MCUR1: variants seen among roughly 807,000 people sequenced by gnomAD.
MCUR1 encodes mitochondrial calcium uniporter regulator 1, also known as MCU regulator 1.
Under a neutral mutation model 42.0 loss-of-function variants are expected in MCUR1, and 37 were observed. The observed-to-expected ratio is 0.88, with a 90% CI of 0.68 to 1.16. The LOEUF (loss-of-function observed/expected upper bound fraction) is 1.16, where lower values mean the gene tolerates loss of function less well. Ranked by LOEUF, MCUR1 falls within the 50% of genes most tolerant of loss-of-function variation. The probability of loss-of-function intolerance (pLI) is 0.00; values close to 1 mark genes in which losing one functional copy is unlikely to be tolerated. For synonymous variants in MCUR1, 229 were observed against 196.2 expected (o/e 1.17, Z -1.40); for missense variants, 469 against 468.4 (o/e 1.00, Z -0.01).
At chr6:13,808,927 G>T (rs933064047) in intron 1 of MCUR1, among the ~76,000 whole-genome samples, 6 of 151,906 alleles carry the variant, frequency 3.9e-5, no homozygotes, top group Admixed American at 3.9e-4. Flanking sequence ...ATCAGAAAGT[G>T]TTTTTTTTGT....
At chr6:13,796,816 T>C (rs1177500819) in intron 6 of MCUR1, among the ~76,000 whole-genome samples, 3 of 152,244 alleles carry the variant, frequency 2.0e-5, no homozygotes, top group African/African-American at 7.2e-5. Flanking sequence ...TATTTCCTGA[T>C]GTCCTTGATG....
intron 6 of MCUR1, among the ~76,000 whole-genome samples, chr6:13,795,819 C>T (rs1318176945): frequency 6.6e-6 from 1 of 152,082 alleles, no homozygotes; most frequent in Non-Finnish European, 1.5e-5. Flanking sequence ...CCAAAAATCT[C>T]AGAAATCACC....
Position 13,810,202 on chromosome 6 carries a change from C to CA in MCUR1, c.416-3159dup, listed in dbSNP as rs1312803526. On this transcript the variant is annotated intron_variant, in intron 1 of 8. Transcript: ENST00000379170. Reference sequence around the variant, plus strand: ...TAGGTGACACAGCGAGACTTCATCTCAAAAAAAAAAATTAATTAAAAATAA... The same window carrying CA: ...TAGGTGACACAGCGAGACTTCATCTCAAAAAAAAAAAATTAATTAAAAATAA... 7.1e-3 allele frequency among the ~76,000 whole-genome samples: 1,002 copies of CA among 141,872 alleles called. 7 individuals are homozygous for CA. The highest frequency in any genetic ancestry group is 0.024 in the African/African-American group (940 of 38,556). 93.1% of individuals were successfully genotyped at this position (141,872 alleles called of 152,430 possible). A position where few individuals can be genotyped will look rare whatever the true frequency, so the allele number is the denominator to read the frequency against.
chr6:13,814,106 G>A lies in MCUR1; in HGVS notation c.324C>T (p.Ser108=), dbSNP rs12206286. ...CGACGCCCGGTGAGCACCTCCACGCGCTGCTGCGCCCGGCCGGGGGTGCGG... is the reference window on the plus strand; with the variant it reads ...CGACGCCCGGTGAGCACCTCCACGCACTGCTGCGCCCGGCCGGGGGTGCGG... ...GYAAPPAGRS[S]AWRCSPGVAA... Residue 108 remains serine (S), a synonymous_variant, in exon 1 of 9, where the codon AGC becomes AGT. Transcript: ENST00000379170. The A allele has an allele frequency of 0.063, 79,503 of 1,252,774 alleles. 2,784 individuals carry two copies. Among genetic ancestry groups the A allele is most frequent in the African/African-American group, 0.11 (7,382 of 64,388 alleles). 77.6% of individuals were successfully genotyped at this position (1,252,774 alleles called of 1,614,324 possible).
chr6:13,805,171 T>C (rs186188946), intron 2 of MCUR1, among the ~76,000 whole-genome samples: 1,592 of 152,012 alleles, frequency 0.01, 23 homozygotes, highest in South Asian at 0.015. Context: ...TTTTTTTTTT[T>C]GGTAGAGTCA....
At chr6:13,804,229 GGGA>G (rs1388417115) in intron 2 of MCUR1, 1 of 198,702 alleles carries the variant, frequency 5.0e-6, no homozygotes, top group South Asian at 6.0e-5. Context: ...AGGATGAGGT[GGGA>G]GGATCGCTTG....
intron 1 of MCUR1, among the ~76,000 whole-genome samples, chr6:13,810,342 A>G (rs1304424529): frequency 1.3e-5 from 2 of 151,742 alleles, no homozygotes; most frequent in Non-Finnish European, 2.9e-5. Context: ...ACACCAAAAG[A>G]AAAAAAAAGA....
chr6:13,802,438 G>T, intron 2 of MCUR1, 92 bp from the exon 3 acceptor site: 2 of 983,782 alleles, frequency 2.0e-6, no homozygotes, highest in Non-Finnish European at 3.2e-6. Context: ...AAATCCAGGA[G>T]GAAGAGTACA....
At position 13,809,635 on chromosome 6, in the gene MCUR1, T is replaced by G. The variant is rs546257686; in HGVS notation, c.416-2591A>C. Among the ~76,000 whole-genome samples, 6 of 151,840 alleles carry G rather than the reference T, an allele frequency of 4.0e-5. No individual in the cohort carries two copies. In the South Asian group the frequency reaches 1.0e-3, roughly 26 times the overall value. On this transcript the variant is annotated intron_variant, in intron 1 of 8. Transcript: ENST00000379170. ...TGGGTCAGGTGAACTAGTTCATGGTTGTAATTCCAATACTTTGAGAGGCCA... is the reference window on the plus strand; with the variant it reads ...TGGGTCAGGTGAACTAGTTCATGGTGGTAATTCCAATACTTTGAGAGGCCA...
intron 2 of MCUR1, among the ~76,000 whole-genome samples, chr6:13,805,658 G>C (rs1305568375): frequency 6.6e-6 from 1 of 152,206 alleles, no homozygotes; most frequent in Non-Finnish European, 1.5e-5. Context: ...GGCATGTAAA[G>C]TACCTCTACA....
At chr6:13,807,934 G>T (rs1760147531) in intron 1 of MCUR1, among the ~76,000 whole-genome samples, 1 of 152,178 alleles carries the variant, frequency 6.6e-6, no homozygotes, top group African/African-American at 2.4e-5. Flanking sequence ...CTTCTTTGGA[G>T]AAATGTGTAT....
Position 13,790,797 on chromosome 6 carries a change from A to C in MCUR1, c.*12T>G. On this transcript the variant is annotated 3_prime_UTR_variant, in exon 9 of 9. Coordinates refer to ENST00000379170, the MANE Select transcript of MCUR1 (RefSeq NM_001031713.4). ...GGCAAAACAGTAGAAATCACTTTAAATAGACACTTTATTAGATCCACAGGC... is the reference window on the plus strand; with the variant it reads ...GGCAAAACAGTAGAAATCACTTTAACTAGACACTTTATTAGATCCACAGGC... 1 of 1,606,782 alleles carries C rather than the reference A, an allele frequency of 6.2e-7. No individual in the cohort carries two copies. Among genetic ancestry groups the C allele is most frequent in the Non-Finnish European group, 8.5e-7 (1 of 1,174,258 alleles).
chr6:13,802,687 ATTCTTGTT>A (rs1210710170), intron 2 of MCUR1, among the ~76,000 whole-genome samples: 1 of 152,220 alleles, frequency 6.6e-6, no homozygotes, highest in Non-Finnish European at 1.5e-5. Context: ...TACAGATGCA[ATTCTTGTT>A]TTTATAATTT....
At chr6:13,798,323 C>T (rs894479067) in intron 6 of MCUR1, among the ~76,000 whole-genome samples, 3 of 152,080 alleles carry the variant, frequency 2.0e-5, no homozygotes, top group Admixed American at 1.3e-4. Flanking sequence ...CTGCCTCGAA[C>T]TCCTGACCTT....
At chr6:13,802,195 AC>A in intron 3 of MCUR1, 47 bp downstream of exon 3, 1 of 1,395,132 alleles carries the variant, frequency 7.2e-7, no homozygotes, top group Non-Finnish European at 1.0e-6. Context: ...TACAAATAAT[AC>A]CCCATCTTCA....
chr6:13,804,169 AAAAATTATCC>A (rs1760056579), intron 2 of MCUR1: 1 of 247,510 alleles, frequency 4.0e-6, no homozygotes, highest in South Asian at 3.9e-5. Context: ...AAAAATACAG[AAAAATTATCC>A]AGGTGTGGTG....
chr6:13,800,478 G>T, intron 4 of MCUR1, 96 bp from the exon 5 acceptor site: 1 of 684,732 alleles, frequency 1.5e-6, no homozygotes, highest in Non-Finnish European at 2.5e-6. Flanking sequence ...AGTTCCTCAG[G>T]TTTTTCCTTC....
At chr6:13,813,294 T>C (rs560221339) in intron 1 of MCUR1, among the ~76,000 whole-genome samples, 1 of 152,298 alleles carries the variant, frequency 6.6e-6, no homozygotes, top group Non-Finnish European at 1.5e-5. Context: ...CTCAATGAAA[T>C]CGATTCTGAT....
intron 8 of MCUR1, among the ~76,000 whole-genome samples, 186 bp downstream of exon 8, chr6:13,791,692 A>G (rs1213851238): frequency 1.3e-5 from 2 of 152,236 alleles, no homozygotes; most frequent in South Asian, 2.1e-4. Flanking sequence ...TACTACTAAG[A>G]AAGAAAAAGT....
Sources: allele counts gnomAD v4.1 joint callset (sites outside exome capture counted in the v4.1 genomes callset), GRCh38; gene constraint gnomAD v4.1.1; transcripts MANE v1.5; gene names NCBI Gene and HGNC (gene_info 2026-07-23, HGNC 2026-07-21).